The following TNPO3 variants were observed in gnomAD, a reference collection of about 807,000 sequenced individuals.
The protein encoded by TNPO3 is transportin 3.
Under a neutral mutation model 122.8 loss-of-function variants are expected in TNPO3, and 65 were observed. That is an observed-to-expected ratio of 0.53 (90% CI 0.43 to 0.65). TNPO3 has a LOEUF of 0.65. TNPO3 is among the 30% of genes least tolerant of loss of function. TNPO3 has a pLI of 0.00. For synonymous variants in TNPO3, 372 were observed against 411.2 expected (o/e 0.90, Z 1.15); for missense variants, 850 against 1,136.7 (o/e 0.75, Z 3.63).
chr7:128,986,507 CAAG>C (rs1800167909), intron 12 of TNPO3, among the ~76,000 whole-genome samples: 1 of 152,128 alleles, frequency 6.6e-6, no homozygotes, highest in South Asian at 2.1e-4. Context: ...ATATATACCG[CAAG>C]TAGTATTAAT....
intron 20 of TNPO3, among the ~76,000 whole-genome samples, chr7:128,968,889 A>G (rs1413766366): frequency 6.6e-6 from 1 of 151,916 alleles, no homozygotes; most frequent in Non-Finnish European, 1.5e-5. Flanking sequence ...TAAAAAGAAA[A>G]AAAATTTTTT....
Position 128,997,437 on chromosome 7 carries a change from C to T in TNPO3, c.1110G>A (p.Gln370=), listed in dbSNP as rs1801450376. The T allele has an allele frequency of 6.2e-7, 1 of 1,614,094 alleles. No homozygotes were observed. Among genetic ancestry groups the T allele is most frequent in the African/African-American group, 1.3e-5 (1 of 74,940 alleles). ...VIHGIFKAYI[Q]RLLHALARHC... is the part of the protein sequence containing the mutation. The stretch of plus-strand genomic sequence containing the variant: ...GTCGAGCCAAGGCGTGAAGCAGCCT[C>T]TGAATGTAAGCTTTGAAGATGCCAT... Residue 370 remains glutamine (Q), a synonymous_variant, in exon 8 of 23, where the codon CAG becomes CAA. Transcript: ENST00000265388.
chr7:129,000,714 A>G, intron 6 of TNPO3, 147 bp from the exon 7 acceptor site: 1 of 811,404 alleles, frequency 1.2e-6, no homozygotes, highest in Non-Finnish European at 1.9e-6. Context: ...AATCCCCATG[A>G]CAGACACCTT....
intron 7 of TNPO3, among the ~76,000 whole-genome samples, chr7:128,999,993 T>C (rs565330454): frequency 7.9e-5 from 12 of 152,320 alleles, no homozygotes; most frequent in South Asian, 2.1e-4. Flanking sequence ...CCTCGGTAAG[T>C]AGGATGTCAA....
rs1804049080 is a variant in TNPO3, at chr7:129,018,100, A to G, written c.178T>C (p.Cys60Arg). Residue 60 changes from cysteine (C) to arginine (R), a missense_variant, in exon 2 of 23, where the codon TGC becomes CGC. Coordinates refer to ENST00000265388, the MANE Select transcript of TNPO3 (RefSeq NM_012470.4). ...TTCATGGTCTGTGCAGCAAAATAGC[A>G]TGACTCCACATCCTGCCGGATCTGT... ...LLQIRQDVESCYFAAQTMKMK... is the reference protein window; with the variant it reads ...LLQIRQDVESRYFAAQTMKMK... 1 of 1,614,186 alleles carries G rather than the reference A, an allele frequency of 6.2e-7. No individual in the cohort carries two copies. The highest frequency in any genetic ancestry group is 8.5e-7 in the Non-Finnish European group (1 of 1,180,022).
rs2150368377 is a variant in TNPO3, at chr7:128,997,494, T to C, written c.1053A>G (p.Glu351=). ...CTTCATCGTTAGTTTTGTACAAATG[T>C]TCCCCCAGTCGGTACCAAAAGTTAA... ...ISFNFWYRLG[E]HLYKTNDEVI... is the part of the protein sequence containing the mutation. Residue 351 remains glutamate, a synonymous_variant, in exon 8 of 23, where the codon GAA becomes GAG. Coordinates refer to ENST00000265388, the MANE Select transcript of TNPO3 (RefSeq NM_012470.4). The C allele has an allele frequency of 6.2e-7, 1 of 1,613,972 alleles. No individual in the cohort carries two copies. Among genetic ancestry groups the C allele is most frequent in the South Asian group, 1.1e-5 (1 of 91,084 alleles).
rs1450071594 is a variant in TNPO3, at chr7:129,016,964, G to GTCAA, written c.395+15_395+18dup. 4 of 1,610,986 alleles carry GTCAA rather than the reference G, an allele frequency of 2.5e-6. No individual in the cohort carries two copies. Among genetic ancestry groups the GTCAA allele is most frequent in the Non-Finnish European group, 3.4e-6 (4 of 1,178,280 alleles). On this transcript the variant is annotated intron_variant, in intron 3 of 22. Transcript: ENST00000265388. Reference sequence around the variant, plus strand: ...TGGCAATTCCAAATGCTAATATAGAGTCAATACAAATTACTTACTTTTCCA... The same window carrying GTCAA: ...TGGCAATTCCAAATGCTAATATAGAGTCAATCAATACAAATTACTTACTTTTCCA...
intron 3 of TNPO3, among the ~76,000 whole-genome samples, chr7:129,015,560 T>C (rs574044798): frequency 4.4e-4 from 67 of 152,318 alleles, no homozygotes; most frequent in African/African-American, 1.5e-3. Context: ...AAGGGCCAGT[T>C]GTGGTGGCTC....
chr7:129,034,164 C>T (rs1477694076), intron 1 of TNPO3, among the ~76,000 whole-genome samples: 1 of 152,182 alleles, frequency 6.6e-6, no homozygotes, highest in Non-Finnish European at 1.5e-5. Flanking sequence ...ACACTTATCA[C>T]TAAAAGATAA....
chr7:129,027,272 T>A (rs546853425), intron 1 of TNPO3, among the ~76,000 whole-genome samples: 1 of 152,180 alleles, frequency 6.6e-6, no homozygotes, highest in African/African-American at 2.4e-5. Flanking sequence ...CAGAAAAGAT[T>A]CACTAAGACC....
At chr7:129,048,400 T>C (rs1368575165) in intron 1 of TNPO3, among the ~76,000 whole-genome samples, 3 of 151,810 alleles carry the variant, frequency 2.0e-5, no homozygotes, top group Non-Finnish European at 4.4e-5. Context: ...CATGGTGGCA[T>C]GTGCCTGTAG....
chr7:128,962,398 G>C (rs1797556034), intron 21 of TNPO3, among the ~76,000 whole-genome samples: 2 of 150,226 alleles, frequency 1.3e-5, no homozygotes, highest in Admixed American at 1.3e-4. Context: ...AAAAGCTAGG[G>C]AATTAATTAC....
intron 21 of TNPO3, among the ~76,000 whole-genome samples, chr7:128,958,705 C>T (rs942969601): frequency 1.3e-5 from 2 of 152,186 alleles, no homozygotes; most frequent in South Asian, 4.1e-4. Context: ...ACTTAGACTC[C>T]ATGACTTGAT....
intron 14 of TNPO3, among the ~76,000 whole-genome samples, chr7:128,980,533 C>T (rs1799521476): frequency 6.6e-6 from 1 of 152,072 alleles, no homozygotes; most frequent in South Asian, 2.1e-4. Context: ...CCTATAATCC[C>T]AGCTACTTGG....
At position 128,989,742 on chromosome 7, in the gene TNPO3, C is replaced by T. The variant is rs189676596; in HGVS notation, c.1498+219G>A. On this transcript the variant is annotated intron_variant, in intron 11 of 22. Transcript: ENST00000265388. The stretch of plus-strand genomic sequence containing the variant: ...TAGAAGCAAATTGTTCACTGTTTCC[C>T]TATCTGTAGATCTAATCTTTCAAAG... Among the ~76,000 whole-genome samples the T allele has an allele frequency of 2.5e-3, 388 of 152,288 alleles. 1 individual carries two copies. Among genetic ancestry groups the T allele is most frequent in the African/African-American group, 8.9e-3 (369 of 41,572 alleles).
chr7:129,010,202 T>C (rs905663729), intron 4 of TNPO3, among the ~76,000 whole-genome samples: 4 of 152,234 alleles, frequency 2.6e-5, no homozygotes, highest in Admixed American at 6.5e-5. Context: ...AGTCTTGTTC[T>C]GTTGCCCAGA....
chr7:129,044,478 C>T (rs1807783993), intron 1 of TNPO3, among the ~76,000 whole-genome samples: 1 of 152,150 alleles, frequency 6.6e-6, no homozygotes, highest in East Asian at 1.9e-4. Flanking sequence ...AGGAAAAATA[C>T]TTGTTTTCTA....
At chr7:128,989,209 T>C (rs1033095446) in intron 11 of TNPO3, among the ~76,000 whole-genome samples, 2 of 152,076 alleles carry the variant, frequency 1.3e-5, no homozygotes, top group African/African-American at 4.8e-5. Context: ...TAAAAACAGA[T>C]GTATAAAATA....
intron 1 of TNPO3, among the ~76,000 whole-genome samples, chr7:129,051,544 C>T (rs1808770172): frequency 1.3e-5 from 2 of 152,110 alleles, no homozygotes; most frequent in African/African-American, 4.8e-5. Context: ...GCTATGTTGC[C>T]CAGGCTGGTC....
Sources: gnomAD v4.1 joint callset for allele counts (sites outside exome capture counted in the v4.1 genomes callset) on GRCh38, gnomAD v4.1.1 for gene constraint, MANE v1.5 for transcripts, NCBI Gene and HGNC (gene_info 2026-07-23, HGNC 2026-07-21) for gene names.